MALRD1: variants seen among roughly 807,000 people sequenced by gnomAD.
The protein encoded by MALRD1 is MAM and LDL receptor class A domain containing 1, also known as MAM and LDL-receptor class A domain-containing protein 1.
MALRD1 carries 247 observed loss-of-function variants against 242.1 expected under a neutral mutation model. The observed-to-expected ratio is 1.02, with a 90% confidence interval of 0.92 to 1.13. The LOEUF is 1.13. MALRD1 is among the 50% of genes most tolerant of loss of function. The pLI is 0.00. For missense variants in MALRD1, 2,989 were observed against 2,533.1 expected, an observed-to-expected ratio of 1.18 and a Z score of -3.86; for synonymous variants, 995 against 866.6, an observed-to-expected ratio of 1.15 and a Z score of -2.60.
chr10:19,266,842 G>A (rs16918440), intron 19 of MALRD1, among the ~76,000 whole-genome samples: 2,370 of 151,966 alleles, frequency 0.016, 63 homozygotes, highest in African/African-American at 0.053. Flanking sequence ...TGAGGAGACC[G>A]CGGTGAGGAA....
At chr10:19,246,004 A>T (rs1304506775) in intron 18 of MALRD1, among the ~76,000 whole-genome samples, 1 of 152,208 alleles carries the variant, frequency 6.6e-6, no homozygotes, top group African/African-American at 2.4e-5. Context: ...TAGCTGAATT[A>T]TAAAAAACGA....
At chr10:19,125,036 C>G (rs1444154837) in intron 7 of MALRD1, among the ~76,000 whole-genome samples, 1 of 140,642 alleles carries the variant, frequency 7.1e-6, no homozygotes, top group Admixed American at 7.2e-5. Flanking sequence ...ACCCCCGCCT[C>G]CTGGGTTCAA....
chr10:19,162,868 A>C (rs4364958), intron 12 of MALRD1, among the ~76,000 whole-genome samples: 25,587 of 151,846 alleles, frequency 0.17, 2,802 homozygotes, highest in Admixed American at 0.25. Context: ...GCAGTGGCTC[A>C]CGCCTGTAAT....
intron 36 of MALRD1, among the ~76,000 whole-genome samples, chr10:19,664,854 A>G (rs760333414): frequency 6.6e-6 from 1 of 152,056 alleles, no homozygotes; most frequent in Middle Eastern, 3.2e-3. Context: ...TGTACTTTTT[A>G]TCATGACCAT....
At chr10:19,547,806 ATATATATATATATTTTT>A (rs1169649226) in intron 32 of MALRD1, among the ~76,000 whole-genome samples, 12 of 13,720 alleles carry the variant, frequency 8.7e-4, no homozygotes, top group African/African-American at 2.5e-3. Flanking sequence ...ATATATATAT[ATATATATATATATTTTT>A]TTTTTTTTTT....
chr10:19,263,259 A>G (rs924851832), intron 19 of MALRD1, among the ~76,000 whole-genome samples: 2 of 152,172 alleles, frequency 1.3e-5, no homozygotes, highest in Non-Finnish European at 2.9e-5. Flanking sequence ...CATTCCTACC[A>G]ACGGGTATAA....
intron 22 of MALRD1, among the ~76,000 whole-genome samples, chr10:19,326,720 TAA>T (rs940723874): frequency 6.6e-6 from 1 of 152,074 alleles, no homozygotes; most frequent in Admixed American, 6.6e-5. Flanking sequence ...TGAATTTAAT[TAA>T]AAAAACAGAT....
chr10:19,599,092 A>G (rs1342460346), intron 34 of MALRD1, among the ~76,000 whole-genome samples: 1 of 152,178 alleles, frequency 6.6e-6, no homozygotes, highest in Admixed American at 6.6e-5. Context: ...GAAATGTCGA[A>G]GAGGGAAATC....
intron 33 of MALRD1, among the ~76,000 whole-genome samples, chr10:19,586,819 C>T (rs936668737): frequency 6.6e-6 from 1 of 152,338 alleles, no homozygotes; most frequent in Middle Eastern, 3.4e-3. Context: ...GTGCCCCTCC[C>T]CCAGCCTCGC....
intron 19 of MALRD1, among the ~76,000 whole-genome samples, chr10:19,278,830 A>T (rs940031097): frequency 6.6e-6 from 1 of 152,184 alleles, no homozygotes; most frequent in Non-Finnish European, 1.5e-5. Flanking sequence ...ATGCAGATAT[A>T]ATAAGCAAAT....
rs149972600 is a variant in MALRD1 at position 19,332,920 on chromosome 10, A to G, written c.3901+1338A>G. 7.2e-5 allele frequency among the ~76,000 whole-genome samples: 11 copies of G among 152,272 alleles called. No homozygotes were observed. In the East Asian group the frequency reaches 2.1e-3, roughly 29 times the overall value. On this transcript the variant is annotated intron_variant, in intron 24 of 39. Coordinates refer to ENST00000454679, the MANE Select transcript of MALRD1 (RefSeq NM_001142308.3). ...TTAAGTTCTCGGGTACATGTGCACA[A>G]CGTGCAGGTTTGTTACATAGGTATA... is the stretch of plus-strand genomic sequence containing the variant.
intron 36 of MALRD1, among the ~76,000 whole-genome samples, chr10:19,627,988 A>G (rs1416122461): frequency 6.6e-6 from 1 of 152,178 alleles, no homozygotes; most frequent in Non-Finnish European, 1.5e-5. Context: ...CAGATAAACT[A>G]GACAAACATT....
chr10:19,523,321 T>G (rs1833961185), intron 31 of MALRD1, among the ~76,000 whole-genome samples: 1 of 152,162 alleles, frequency 6.6e-6, no homozygotes, highest in Admixed American at 6.6e-5. Flanking sequence ...TATATTTCTG[T>G]TTCAATGAAA....
intron 28 of MALRD1, among the ~76,000 whole-genome samples, chr10:19,438,821 CCTT>C (rs67553188): frequency 0.72 from 108,436 of 151,646 alleles, 38,894 homozygotes; most frequent in Non-Finnish European, 0.75. Context: ...GACAGACAAG[CCTT>C]CTTCTTTGTA....
intron 36 of MALRD1, among the ~76,000 whole-genome samples, chr10:19,621,911 C>T (rs1352765006): frequency 6.6e-6 from 1 of 151,628 alleles, no homozygotes; most frequent in East Asian, 1.9e-4. Flanking sequence ...AAAGAAAACT[C>T]GTGATTGTCT....
chr10:19,562,297 GTAGATAGA>G (rs78473002), intron 32 of MALRD1, among the ~76,000 whole-genome samples: 4,675 of 144,714 alleles, frequency 0.032, 86 homozygotes, highest in Middle Eastern at 0.073. Flanking sequence ...GCTGTCTTAG[GTAGATAGA>G]TAGATAGATA....
chr10:19,167,000 G>T (rs920074536), intron 13 of MALRD1, among the ~76,000 whole-genome samples: 1 of 152,180 alleles, frequency 6.6e-6, no homozygotes, highest in African/African-American at 2.4e-5. Context: ...TACTCCAGGG[G>T]AGTCTGAATA....
At chr10:19,364,276 A>G (rs550072836) in intron 26 of MALRD1, among the ~76,000 whole-genome samples, 2 of 152,286 alleles carry the variant, frequency 1.3e-5, no homozygotes, top group South Asian at 2.1e-4. Context: ...TAAATTTATT[A>G]CTTGATATGC....
intron 18 of MALRD1, among the ~76,000 whole-genome samples, chr10:19,216,698 C>G (rs1012415372): frequency 1.1e-4 from 16 of 151,012 alleles, no homozygotes; most frequent in Non-Finnish European, 1.8e-4. Context: ...GTAATCCCAG[C>G]ACTTTGGGAG....
Sources: gnomAD v4.1 joint callset for allele counts (sites outside exome capture counted in the v4.1 genomes callset) on GRCh38, gnomAD v4.1.1 for gene constraint, MANE v1.5 for transcripts, NCBI Gene and HGNC (gene_info 2026-07-23, HGNC 2026-07-21) for gene names.